The following TRRAP variants were observed in gnomAD, a reference collection of about 807,000 sequenced individuals.
TRRAP encodes transformation/transcription domain associated protein.
Under a neutral mutation model 438.8 loss-of-function variants are expected in TRRAP, and 41 were observed. The ratio of observed to expected loss-of-function variants is 0.09; its 90% CI spans 0.07 to 0.12. TRRAP has a LOEUF of 0.12. TRRAP is among the 10% of genes least tolerant of loss of function. The pLI is 1.00. For synonymous variants in TRRAP, 1,994 were observed against 1,962.9 expected (o/e 1.02, Z -0.42); for missense variants, 3,122 against 5,055.1 (o/e 0.62, Z 11.60).
rs1790251303 is a variant in TRRAP, at chr7:98,930,017, G to A, written c.3204G>A (p.Val1068=). 1.9e-6 allele frequency: 3 copies of A among 1,614,068 alleles called. No homozygotes were observed. Among genetic ancestry groups the A allele is most frequent in the East Asian group, 2.2e-5 (1 of 44,894 alleles). Residue 1068 remains valine, a synonymous_variant, in exon 24 of 73, where the codon GTG becomes GTA. Coordinates refer to ENST00000456197, the MANE Select transcript of TRRAP (RefSeq NM_001375524.1). ...CTTTCTTGCTGCCTTGCTACCAGGTGGGCAGCCAGCCCAGCACAGCCATGT... is the reference window on the plus strand; with the variant it reads ...CTTTCTTGCTGCCTTGCTACCAGGTAGGCAGCCAGCCCAGCACAGCCATGT... ...CGPFLLPCYQ[V]GSQPSTAMFH...
In TRRAP at chr7:98,971,887, A is replaced by C; in HGVS notation, c.7781A>C (p.Gln2594Pro). The C allele has an allele frequency of 6.2e-7, 1 of 1,614,260 alleles. No individual in the cohort carries two copies. The highest frequency in any genetic ancestry group is 1.3e-5 in the African/African-American group (1 of 75,056). Residue 2594 changes from glutamine to proline, a missense_variant, in exon 53 of 73, where the codon CAG becomes CCG. Gln to Pro is a moderately conservative substitution (Grantham distance 76). Coordinates refer to ENST00000456197, the MANE Select transcript of TRRAP (RefSeq NM_001375524.1). Reference protein sequence around the residue: ...KELSEKDIGNQLHMLTNRHDK... With the variant: ...KELSEKDIGNPLHMLTNRHDK... ...CTTTCAGAAAAGGACATTGGAAACC[A>C]GCTGCACATGCTAACCAACAGGCAC... is the stretch of plus-strand genomic sequence containing the variant.
chr7:98,995,188 A>C (rs219836), intron 67 of TRRAP, among the ~76,000 whole-genome samples: 22,621 of 151,974 alleles, frequency 0.15, 5,287 homozygotes, highest in African/African-American at 0.5. Flanking sequence ...GGTGGGAGAC[A>C]TTGTTAGTGT....
chr7:98,917,309 C>T (rs1172622075), intron 19 of TRRAP, 114 bp from the exon 20 acceptor site: 9 of 1,431,370 alleles, frequency 6.3e-6, no homozygotes, highest in African/African-American at 1.4e-5. Context: ...AGAGGTCTCC[C>T]TGCAGTTGTG....
At position 98,961,198 on chromosome 7, in the gene TRRAP, T is replaced by G; in HGVS notation, c.6490-63T>G. The G allele has an allele frequency of 2.6e-6, 4 of 1,556,748 alleles. No homozygotes were observed. In the Admixed American group the frequency reaches 5.0e-5, roughly 20 times the overall value. On this transcript the variant is annotated intron_variant, in intron 45 of 72. Transcript: ENST00000456197. Reference sequence around the variant, plus strand: ...TGCTAGATTTTGCCAGACTCTTGTTTCTAGAATTTGTTGTCATTGAGTGTT... The same window carrying G: ...TGCTAGATTTTGCCAGACTCTTGTTGCTAGAATTTGTTGTCATTGAGTGTT...
intron 16 of TRRAP, 118 bp downstream of exon 16, chr7:98,910,725 T>C: frequency 3.7e-6 from 3 of 810,524 alleles, no homozygotes; most frequent in Non-Finnish European, 5.8e-6. Context: ...ACAGTATTTG[T>C]ATACCCAGAT....
rs782604679 is a variant in TRRAP, at chr7:98,910,164, G to A, written c.1459G>A (p.Val487Met). 2.5e-6 allele frequency: 4 copies of A among 1,612,292 alleles called. No homozygotes were observed. The highest frequency in any genetic ancestry group is 1.1e-5 in the South Asian group (1 of 90,854). ...LGAVEAALPG[V>M]PTAPAAPGPA... ...AGCCGTGGAAGCAGCTCTGCCTGGG[G>A]TGCCCACTGCCCCTGCAGCTCCTGG... The change falls in exon 15 of 73, where the codon GTG becomes ATG. Residue 487 changes from valine to methionine, a missense_variant. Transcript: ENST00000456197.
At chr7:98,911,381 GCT>G (rs1468202841) in intron 17 of TRRAP, 110 bp downstream of exon 17, 2 of 1,078,012 alleles carry the variant, frequency 1.9e-6, no homozygotes, top group African/African-American at 3.2e-5. Flanking sequence ...CCAAGGATGT[GCT>G]TATAGCTCAA....
In TRRAP at chr7:98,976,272, A is replaced by C. The variant is rs1294875802; in HGVS notation, c.7959+4A>C. ...CCTCTCTGACAGACAGCAGCATGTG[A>C]GTGTATCTTTAAAATCCTGTTTTGG... On this transcript the variant is annotated splice_donor_region_variant and intron_variant, in intron 54 of 72. Coordinates refer to ENST00000456197, the MANE Select transcript of TRRAP (RefSeq NM_001375524.1). This position sits in a 1 kb window ranked among gnomAD's most constrained non-coding sequence, Gnocchi z 4.6. 6 of 1,613,840 alleles carry C rather than the reference A, an allele frequency of 3.7e-6. No homozygotes were observed. The highest frequency in any genetic ancestry group is 5.1e-6 in the Non-Finnish European group (6 of 1,179,880).
chr7:98,904,531 C>T (rs1406904421), intron 12 of TRRAP, among the ~76,000 whole-genome samples: 1 of 150,330 alleles, frequency 6.7e-6, no homozygotes, highest in Non-Finnish European at 1.5e-5. Flanking sequence ...CTTACCAGGT[C>T]ACCTCCTTCC....
chr7:98,894,783 G>GTTTTTTTTTTTTTTTTTTT (rs56407045), intron 6 of TRRAP, among the ~76,000 whole-genome samples: 6 of 87,416 alleles, frequency 6.9e-5, no homozygotes, highest in African/African-American at 9.4e-5. Context: ...CCAGCTAATG[G>GTTTTTTTTTTTTTTTTTTT]TTTTTTTTTT....
At chr7:98,935,192 G>A (rs1554413935) in intron 27 of TRRAP, among the ~76,000 whole-genome samples, 2 of 151,886 alleles carry the variant, frequency 1.3e-5, no homozygotes. Flanking sequence ...TCTGTTTCTT[G>A]AACACTTGTC....
intron 13 of TRRAP, among the ~76,000 whole-genome samples, chr7:98,906,914 C>T (rs76473952): frequency 0.01 from 1,545 of 151,408 alleles, 28 homozygotes; most frequent in African/African-American, 0.035. Flanking sequence ...TTATAACCTA[C>T]CAGGAAGATA....
At chr7:98,925,943 C>T (rs534035233) in intron 22 of TRRAP, among the ~76,000 whole-genome samples, 54 of 152,184 alleles carry the variant, frequency 3.5e-4, no homozygotes, top group African/African-American at 1.2e-3. Context: ...CAGAAATAGA[C>T]CCACACAGGC....
chr7:98,882,066 A>G (rs1554403197), intron 3 of TRRAP, 42 bp downstream of exon 3: 1 of 1,541,502 alleles, frequency 6.5e-7, no homozygotes, highest in Admixed American at 1.8e-5. Flanking sequence ...TGAGGTAAAT[A>G]TTCTTATTCA....
chr7:98,925,966 G>A (rs1790029969), intron 22 of TRRAP, among the ~76,000 whole-genome samples: 1 of 152,164 alleles, frequency 6.6e-6, no homozygotes, highest in South Asian at 2.1e-4. Flanking sequence ...CAGGTGTTAG[G>A]ATTATCAGAA....
intron 62 of TRRAP, 33 bp from the exon 63 acceptor site, chr7:98,988,732 C>G (rs780351543): frequency 3.7e-6 from 6 of 1,609,468 alleles, no homozygotes; most frequent in Non-Finnish European, 5.1e-6. Context: ...CAATTGAAAA[C>G]CATACACGTT....
rs2116290941 is a variant in TRRAP at position 98,890,452 on chromosome 7, T to G, written c.261+7T>G. 1 of 1,558,850 alleles carries G rather than the reference T, an allele frequency of 6.4e-7. No homozygotes were observed. ...TCAGGAGAAACCAGCACAGGTAATG[T>G]AAAAAAATAACATGAGAAGACAAGG... On this transcript the variant is annotated splice_region_variant and intron_variant, in intron 4 of 72. Coordinates refer to ENST00000456197, the MANE Select transcript of TRRAP (RefSeq NM_001375524.1).
Position 98,926,032 on chromosome 7 carries a change from A to G in TRRAP, c.2975+769A>G, listed in dbSNP as rs1196266037. Among the ~76,000 whole-genome samples, 3 of 152,236 alleles carry G rather than the reference A, an allele frequency of 2.0e-5. No homozygotes were observed. In the East Asian group the frequency reaches 5.8e-4, roughly 29 times the overall value. ...ATTAATGAAAGACAAACTGGAAAAT[A>G]CCTCCAAGAAACAGAAACCTATAAA... On this transcript the variant is annotated intron_variant, in intron 22 of 72. Transcript: ENST00000456197.
chr7:99,001,380 T>C (rs1315523119), intron 67 of TRRAP, among the ~76,000 whole-genome samples: 2 of 152,222 alleles, frequency 1.3e-5, no homozygotes, highest in Non-Finnish European at 2.9e-5. Context: ...TTCACCCTTC[T>C]GAGAACGGAA....
Sources: allele counts gnomAD v4.1 joint callset (sites outside exome capture counted in the v4.1 genomes callset), GRCh38; gene constraint gnomAD v4.1.1; non-coding constraint Gnocchi (gnomAD v3.1); transcripts MANE v1.5; gene names NCBI Gene and HGNC (gene_info 2026-07-23, HGNC 2026-07-21).